PTPN13: variants seen among roughly 807,000 people sequenced by gnomAD.
The protein encoded by PTPN13 is protein tyrosine phosphatase non-receptor type 13.
In PTPN13, 191 loss-of-function variants were observed where a neutral mutation model predicts 284.0. The ratio of observed to expected loss-of-function variants is 0.67; its 90% confidence interval spans 0.60 to 0.76. The LOEUF is 0.76. Ranked by LOEUF, PTPN13 falls within the 30% of genes least tolerant of loss-of-function variation. PTPN13 has a pLI of 0.00. For missense variants in PTPN13, 2,797 were observed against 2,939.9 expected, an observed-to-expected ratio of 0.95 and a Z score of 1.12; for synonymous variants, 986 against 1,022.3, an observed-to-expected ratio of 0.96 and a Z score of 0.68.
In PTPN13 at chr4:86,767,935, A is replaced by G. The variant is rs1356852683; in HGVS notation, c.4448A>G (p.Lys1483Arg). The G allele has an allele frequency of 6.2e-7, 1 of 1,611,302 alleles. No homozygotes were observed. Among genetic ancestry groups the G allele is most frequent in the East Asian group, 2.2e-5 (1 of 44,842 alleles). Reference protein sequence around the residue: ...NAQGQGPEKVKKTTQVKDYSF... With the variant: ...NAQGQGPEKVRKTTQVKDYSF... The stretch of plus-strand genomic sequence containing the variant: ...CAAGGTCAAGGCCCAGAAAAAGTGA[A>G]GAAAACAACTCAGGTCAAAGACTAC... Residue 1483 changes from lysine to arginine, a missense_variant, in exon 28 of 48, where the codon AAG becomes AGG. Physicochemically the swap from Lys to Arg is conservative, Grantham distance 26. Transcript: ENST00000411767.
intron 38 of PTPN13, among the ~76,000 whole-genome samples, chr4:86,785,011 T>C (rs1047034722): frequency 5.3e-5 from 8 of 152,158 alleles, no homozygotes; most frequent in African/African-American, 1.9e-4. Context: ...TTATTCTTTG[T>C]AATTTGCATT....
chr4:86,693,675 G>A lies in PTPN13; in HGVS notation c.634+1G>A, dbSNP rs1414264595. ...TTGCGAGGAAAAGGATTACCAACAG[G>A]TAAGAGTATATTAATAGGAAATGTC... On this transcript the variant is annotated splice_donor_variant, in intron 6 of 47. Transcript: ENST00000411767. LOFTEE classifies it high-confidence loss of function. 3 of 1,541,088 alleles carry A rather than the reference G, an allele frequency of 1.9e-6. No homozygotes were observed. The highest frequency in any genetic ancestry group is 8.8e-7 in the Non-Finnish European group (1 of 1,137,944).
chr4:86,662,189 C>T (rs1255414140), intron 2 of PTPN13, among the ~76,000 whole-genome samples: 1 of 152,130 alleles, frequency 6.6e-6, no homozygotes, highest in Non-Finnish European at 1.5e-5. Context: ...GCACATCATT[C>T]CAAAATTGCT....
intron 7 of PTPN13, among the ~76,000 whole-genome samples, chr4:86,714,275 A>C (rs1732752888): frequency 6.6e-6 from 1 of 152,148 alleles, no homozygotes; most frequent in African/African-American, 2.4e-5. Flanking sequence ...TTTTATTTCC[A>C]GGCAACATTA....
intron 1 of PTPN13, among the ~76,000 whole-genome samples, chr4:86,621,257 A>C (rs1578268425): frequency 6.6e-6 from 1 of 152,196 alleles, no homozygotes; most frequent in Admixed American, 6.5e-5. Flanking sequence ...AAGCAATTGC[A>C]TATTTAAAAA....
In PTPN13 at chr4:86,701,652, T is replaced by C. The variant is rs1371611240; in HGVS notation, c.1046T>C (p.Ile349Thr). 2 of 1,613,918 alleles carry C rather than the reference T, an allele frequency of 1.2e-6. No homozygotes were observed. Among genetic ancestry groups the C allele is most frequent in the East Asian group, 4.5e-5 (2 of 44,878 alleles). The stretch of plus-strand genomic sequence containing the variant: ...GAGGCAAGATACTCAGATGGAAGTA[T>C]AGCCTTGGATATCTTTGGCCCTCAG... ...KKEARYSDGS[I>T]ALDIFGPQKM... The change falls in exon 7 of 48, where the codon ATA (isoleucine) becomes ACA (threonine). Residue 349 changes from isoleucine (I) to threonine (T), a missense_variant. By Grantham distance (89) the Ile-to-Thr change is moderately conservative. Transcript: ENST00000411767.
intron 37 of PTPN13, 25 bp downstream of exon 37, chr4:86,782,287 A>C (rs373228194): frequency 6.5e-7 from 1 of 1,549,046 alleles, no homozygotes. Context: ...ACCCTCTTTC[A>C]TGTCATACCT....
chr4:86,742,142 C>A (rs1425539507), intron 16 of PTPN13, among the ~76,000 whole-genome samples: 2 of 152,256 alleles, frequency 1.3e-5, no homozygotes, highest in East Asian at 3.9e-4. Context: ...AGAAATCCTC[C>A]TAATGTTTTT....
intron 8 of PTPN13, 58 bp from the exon 9 acceptor site, chr4:86,716,964 ATG>A: frequency 1.7e-6 from 2 of 1,201,078 alleles, no homozygotes; most frequent in Non-Finnish European, 2.4e-6. Context: ...TGAGTTTTAA[ATG>A]AAATTACTCT....
At chr4:86,717,198 T>G in intron 9 of PTPN13, 81 bp downstream of exon 9, 3 of 1,083,780 alleles carry the variant, frequency 2.8e-6, no homozygotes, top group Non-Finnish European at 4.0e-6. Context: ...AATTTTTTTT[T>G]TTTTTTTTGA....
intron 16 of PTPN13, among the ~76,000 whole-genome samples, chr4:86,743,568 C>T (rs1736403136): frequency 6.6e-6 from 1 of 152,072 alleles, no homozygotes; most frequent in South Asian, 2.1e-4. Context: ...ATCTTTAGCT[C>T]CTCTCTAATA....
rs751066134 is a variant in PTPN13, at chr4:86,717,044, A to G, written c.1312A>G (p.Lys438Glu). Residue 438 changes from lysine (K) to glutamate (E), a missense_variant, in exon 9 of 48, where the codon AAG (lysine) becomes GAG (glutamate). Transcript: ENST00000411767. ...ATTAGTGAGAAGAAGTGAAGCCTCA[A>G]AGAGGTTTGAATCCAGCAGTGGTCT... ...FRQVRRSEAS[K>E]RFESSSGLPG... 1.2e-6 allele frequency: 2 copies of G among 1,612,830 alleles called. No individual in the cohort carries two copies. The highest frequency in any genetic ancestry group is 2.7e-5 in the African/African-American group (2 of 74,906).
intron 3 of PTPN13, among the ~76,000 whole-genome samples, chr4:86,680,009 C>A (rs1274527151): frequency 6.6e-6 from 1 of 152,180 alleles, no homozygotes; most frequent in Non-Finnish European, 1.5e-5. Context: ...TGCTTAACCT[C>A]TCCATGTCTT....
chr4:86,650,138 C>T (rs1014774741), intron 2 of PTPN13, among the ~76,000 whole-genome samples: 2 of 151,364 alleles, frequency 1.3e-5, no homozygotes, highest in Admixed American at 1.3e-4. Flanking sequence ...AGGTGCCCAC[C>T]ACCACACCCG....
At chr4:86,679,542 T>C (rs1728656908) in intron 3 of PTPN13, among the ~76,000 whole-genome samples, 1 of 152,234 alleles carries the variant, frequency 6.6e-6, no homozygotes, top group Admixed American at 6.5e-5. Flanking sequence ...ACCTATGTTT[T>C]ATCAGGCCCT....
At chr4:86,597,729 A>G (rs1763947652) in intron 1 of PTPN13, among the ~76,000 whole-genome samples, 1 of 152,236 alleles carries the variant, frequency 6.6e-6, no homozygotes, top group African/African-American at 2.4e-5. Flanking sequence ...TGTCACTAAT[A>G]GTAAGGCAGT....
chr4:86,663,398 T>G (rs964704009), intron 2 of PTPN13, among the ~76,000 whole-genome samples: 10 of 152,184 alleles, frequency 6.6e-5, no homozygotes, highest in African/African-American at 2.4e-4. Context: ...GGTAATAAAC[T>G]GGGGGAAACT....
chr4:86,757,835 T>C (rs932145523), intron 20 of PTPN13, among the ~76,000 whole-genome samples: 12 of 151,836 alleles, frequency 7.9e-5, no homozygotes, highest in African/African-American at 2.9e-4. Context: ...TTACCAGTTA[T>C]AAATTAAAAT....
At chr4:86,744,811 A>T (rs777972111) in intron 16 of PTPN13, among the ~76,000 whole-genome samples, 155 bp from the exon 17 acceptor site, 1 of 152,170 alleles carries the variant, frequency 6.6e-6, no homozygotes, top group Non-Finnish European at 1.5e-5. Context: ...TCGCCTCATG[A>T]TGTATTTCTT....
Sources: allele counts gnomAD v4.1 joint callset (sites outside exome capture counted in the v4.1 genomes callset), GRCh38; gene constraint gnomAD v4.1.1; transcripts MANE v1.5; gene names NCBI Gene and HGNC (gene_info 2026-07-23, HGNC 2026-07-21).